The following SPATA6 variants were observed in gnomAD, a reference collection of about 807,000 sequenced individuals.
SPATA6 encodes spermatogenesis associated 6.
In SPATA6, 56 loss-of-function variants were observed where a neutral mutation model predicts 65.3. That is an observed-to-expected ratio of 0.86 (90% confidence interval 0.69 to 1.07). The LOEUF is 1.07. Among genes scored for constraint, SPATA6 ranks in the 50% least tolerant of loss-of-function variants. The pLI is 0.00. For missense variants in SPATA6, 590 were observed against 594.8 expected (o/e 0.99, Z 0.08); for synonymous variants, 199 against 213.2 (o/e 0.93, Z 0.58).
At chr1:48,384,064 G>T (rs367874049) in intron 9 of SPATA6, among the ~76,000 whole-genome samples, 1 of 151,118 alleles carries the variant, frequency 6.6e-6, no homozygotes, top group East Asian at 2.0e-4. Context: ...CTGAGTGAAC[G>T]AGACTCCATC....
chr1:48,368,360 A>G (rs1422259792), intron 9 of SPATA6, among the ~76,000 whole-genome samples: 2 of 152,100 alleles, frequency 1.3e-5, no homozygotes, highest in African/African-American at 4.8e-5. Context: ...AGATTGGGGA[A>G]TTTCTCCTGG....
chr1:48,358,721 ATC>A (rs1557607037), intron 10 of SPATA6, among the ~76,000 whole-genome samples: 1 of 152,126 alleles, frequency 6.6e-6, no homozygotes. Flanking sequence ...CGATTCCATG[ATC>A]CCCCACTATC....
rs144670707 is a variant in SPATA6, at chr1:48,423,806, C to T, written c.239-10655G>A. 9.2e-4 allele frequency among the ~76,000 whole-genome samples: 140 copies of T among 152,068 alleles called. 3 individuals carry two copies. In the East Asian group the frequency reaches 0.023, roughly 25 times the overall value. On this transcript the variant is annotated intron_variant, in intron 3 of 12. Transcript: ENST00000371847. Reference sequence around the variant, plus strand: ...AGGTGATCCGCCTGCCTCAGCCTTCCAAAGTGCTGAGATTACAGGCATGAG... The same window carrying T: ...AGGTGATCCGCCTGCCTCAGCCTTCTAAAGTGCTGAGATTACAGGCATGAG...
At chr1:48,440,572 A>G (rs895576350) in intron 3 of SPATA6, among the ~76,000 whole-genome samples, 9 of 152,188 alleles carry the variant, frequency 5.9e-5, no homozygotes, top group Non-Finnish European at 1.3e-4. Context: ...AATCACAAAC[A>G]TCTGTTGACC....
intron 3 of SPATA6, chr1:48,436,118 G>A: frequency 6.2e-7 from 1 of 1,610,206 alleles, no homozygotes; most frequent in Non-Finnish European, 8.5e-7. Context: ...GAAGTACTAT[G>A]TTCCACCAAC....
intron 3 of SPATA6, among the ~76,000 whole-genome samples, chr1:48,442,321 C>A (rs2490538): frequency 0.4 from 60,818 of 151,954 alleles, 12,860 homozygotes; most frequent in African/African-American, 0.55. Context: ...CATGCCCATG[C>A]TGCAATATGG....
At position 48,385,273 on chromosome 1, in the gene SPATA6, C is replaced by T. The variant is rs373669831; in HGVS notation, c.909+36G>A. ...TAGACTCATGTTGTTGTCTGAAAGC[C>T]AGAACAATTATTATTCTACAATTCA... On this transcript the variant is annotated intron_variant, in intron 9 of 12. Coordinates refer to ENST00000371847, the MANE Select transcript of SPATA6 (RefSeq NM_019073.4). The T allele has an allele frequency of 6.4e-6, 10 of 1,561,150 alleles. No individual in the cohort carries two copies. The African/African-American group carries it at 1.2e-4, about 19-fold the overall frequency.
intron 3 of SPATA6, among the ~76,000 whole-genome samples, chr1:48,429,028 A>G (rs1049618823): frequency 2.6e-5 from 4 of 151,694 alleles, no homozygotes; most frequent in Non-Finnish European, 5.9e-5. Flanking sequence ...AGTCAATTTC[A>G]GCTCTTAGTA....
the SPATA6 span, among the ~76,000 whole-genome samples, chr1:48,271,005 T>C: frequency 6.6e-6 from 1 of 152,132 alleles, no homozygotes; most frequent in Non-Finnish European, 1.5e-5. Context: ...GATAGAGAAT[T>C]ATTCAATCTT....
intron 11 of SPATA6, among the ~76,000 whole-genome samples, chr1:48,345,933 A>T (rs1646352110): frequency 6.6e-6 from 1 of 152,138 alleles, no homozygotes; most frequent in Non-Finnish European, 1.5e-5. Flanking sequence ...AGATGGTACT[A>T]TTCTTACTGA....
At chr1:48,343,419 T>C (rs1001517461) in intron 11 of SPATA6, among the ~76,000 whole-genome samples, 25 of 152,008 alleles carry the variant, frequency 1.6e-4, no homozygotes, top group Non-Finnish European at 4.4e-5. Context: ...AAGGGATGAA[T>C]GAACAATGAC....
the SPATA6 span, among the ~76,000 whole-genome samples, chr1:48,287,361 A>G: frequency 1.2e-4 from 18 of 152,246 alleles, no homozygotes; most frequent in Non-Finnish European, 4.4e-5. Flanking sequence ...ATTGGGGGTT[A>G]CATTTCAATA....
intron 3 of SPATA6, among the ~76,000 whole-genome samples, chr1:48,415,179 T>A (rs1028835267): frequency 6.6e-6 from 1 of 152,216 alleles, no homozygotes; most frequent in Non-Finnish European, 1.5e-5. Flanking sequence ...ACATAATTGT[T>A]TTGAAATGAT....
At chr1:48,364,514 T>G (rs1646929964) in intron 9 of SPATA6, among the ~76,000 whole-genome samples, 1 of 152,240 alleles carries the variant, frequency 6.6e-6, no homozygotes, top group African/African-American at 2.4e-5. Context: ...TGAGATGGTA[T>G]CTCATTGTGG....
intron 12 of SPATA6, among the ~76,000 whole-genome samples, chr1:48,302,605 A>G (rs1644966970): frequency 1.3e-5 from 2 of 152,154 alleles, no homozygotes; most frequent in African/African-American, 4.8e-5. Flanking sequence ...GGCTTTGGTA[A>G]TATATTCAAA....
At chr1:48,342,602 C>T (rs755229991) in intron 11 of SPATA6, among the ~76,000 whole-genome samples, 5 of 143,330 alleles carry the variant, frequency 3.5e-5, no homozygotes, top group South Asian at 2.2e-4. Flanking sequence ...GGTGACAGAG[C>T]GAGACTCCAT....
chr1:48,364,677 C>T (rs551368551), intron 9 of SPATA6, among the ~76,000 whole-genome samples: 2 of 152,060 alleles, frequency 1.3e-5, no homozygotes, highest in Non-Finnish European at 2.9e-5. Flanking sequence ...TGTTTGAGTT[C>T]ATTGTAGATT....
intron 8 of SPATA6, among the ~76,000 whole-genome samples, chr1:48,386,115 T>C (rs1649436910): frequency 6.6e-6 from 1 of 152,194 alleles, no homozygotes; most frequent in Non-Finnish European, 1.5e-5. Context: ...ATTGATCTGT[T>C]TCATGCCTCA....
chr1:48,287,896 A>G, the SPATA6 span, among the ~76,000 whole-genome samples: 3 of 152,238 alleles, frequency 2.0e-5, no homozygotes, highest in Admixed American at 1.3e-4. Context: ...TTAGAGGAAA[A>G]GTTTTAAGCT....
Sources: gnomAD v4.1 joint callset for allele counts (sites outside exome capture counted in the v4.1 genomes callset) on GRCh38, gnomAD v4.1.1 for gene constraint, MANE v1.5 for transcripts, NCBI Gene and HGNC (gene_info 2026-07-23, HGNC 2026-07-21) for gene names.